GET3: variants seen among roughly 807,000 people sequenced by gnomAD.
GET3 encodes guided entry of tail-anchored proteins factor 3, ATPase, also known as ATPase GET3.
In GET3, 15 loss-of-function variants were observed where a neutral mutation model predicts 32.4. The observed-to-expected ratio is 0.46, with a 90% CI of 0.31 to 0.71. The LOEUF is 0.71. GET3 is among the 30% of genes least tolerant of loss of function. GET3 has a pLI of 0.05. For missense variants in GET3, 333 were observed against 459.0 expected (o/e 0.73, Z 2.51); for synonymous variants, 198 against 185.6 (o/e 1.07, Z -0.54).
At chr19:12,739,214 C>A (rs1404375989) in intron 2 of GET3, among the ~76,000 whole-genome samples, 1 of 151,858 alleles carries the variant, frequency 6.6e-6, no homozygotes, top group Non-Finnish European at 1.5e-5. Context: ...GTCTCCCAGG[C>A]TGGAGTGCAG....
intron 2 of GET3, among the ~76,000 whole-genome samples, chr19:12,740,629 A>G (rs1418515811): frequency 6.6e-6 from 1 of 152,212 alleles, no homozygotes; most frequent in Non-Finnish European, 1.5e-5. Context: ...GTGAGCCGAG[A>G]TCGCGCCACT....
chr19:12,742,464 G>T lies in GET3; in HGVS notation c.310-2913G>T, dbSNP rs571125590. On this transcript the variant is annotated intron_variant, in intron 2 of 6. Coordinates refer to ENST00000357332, the MANE Select transcript of GET3 (RefSeq NM_004317.4). ...GAGTCTTATTCTGTCGCCCAGGATG[G>T]AGTGCAGTGGCGCAATCTCGGTTCA... 2.3e-4 allele frequency among the ~76,000 whole-genome samples: 35 copies of T among 151,976 alleles called. No homozygotes were observed. The East Asian group carries it at 6.6e-3, about 29-fold the overall frequency.
At position 12,737,576 on chromosome 19, in the gene GET3, T is replaced by G; in HGVS notation, c.71T>G (p.Leu24Arg). The stretch of plus-strand genomic sequence containing the variant: ...GAAGATGCTCCTGATGTGGAGCCGC[T>G]GGAGCCTACACTTAGCAACATCATC... ...EFEDAPDVEPLEPTLSNIIEQ... is the reference protein window; with the variant it reads ...EFEDAPDVEPREPTLSNIIEQ... Residue 24 changes from leucine to arginine, a missense_variant, in exon 1 of 7, where the codon CTG (leucine) becomes CGG (arginine). Around this residue, in one of 3 missense-constraint regions of GET3, gnomAD observed 64 missense variants for 36.7 expected, o/e 1.74. Coordinates refer to ENST00000357332, the MANE Select transcript of GET3 (RefSeq NM_004317.4). 6.2e-7 allele frequency: 1 copy of G among 1,611,436 alleles called. No individual in the cohort carries two copies. Among genetic ancestry groups the G allele is most frequent in the Non-Finnish European group, 8.5e-7 (1 of 1,179,034 alleles).
chr19:12,741,985 A>G (rs1366324154), intron 2 of GET3, among the ~76,000 whole-genome samples: 4 of 152,164 alleles, frequency 2.6e-5, no homozygotes, highest in Non-Finnish European at 5.9e-5. Flanking sequence ...CAGTGATACT[A>G]AAGAGCTAGA....
chr19:12,746,014 C>T (rs1263543295), intron 4 of GET3, among the ~76,000 whole-genome samples: 2 of 152,200 alleles, frequency 1.3e-5, no homozygotes, highest in Non-Finnish European at 2.9e-5. Context: ...AACCTGCCTT[C>T]AAACCCTCTA....
At chr19:12,741,233 G>A (rs892288096) in intron 2 of GET3, among the ~76,000 whole-genome samples, 28 of 152,108 alleles carry the variant, frequency 1.8e-4, no homozygotes, top group Non-Finnish European at 1.5e-4. Flanking sequence ...GAGGTGGGCG[G>A]ATCACAAAGT....
chr19:12,746,783 G>T (rs947495828), intron 4 of GET3, among the ~76,000 whole-genome samples: 3 of 152,128 alleles, frequency 2.0e-5, no homozygotes, highest in Non-Finnish European at 4.4e-5. Context: ...GCCGAGGCAG[G>T]TGGATTGCCT....
rs1967804686 is a variant in GET3 at position 12,747,916 on chromosome 19, C to G, written c.916-57C>G. 6.6e-7 allele frequency: 1 copy of G among 1,510,112 alleles called. No individual in the cohort carries two copies. Among genetic ancestry groups the G allele is most frequent in the Admixed American group, 2.0e-5 (1 of 50,420 alleles). The allele number at this position is 1,510,112 out of a possible 1,614,324, so 93.5% of individuals were successfully genotyped here. ...TTTACCGCTTCTATTGATCCACACT[C>G]TGTCTCTGCCTTCCTGCCCCCTGAC... is the stretch of plus-strand genomic sequence containing the variant. On this transcript the variant is annotated intron_variant, in intron 6 of 6. Transcript: ENST00000357332. The surrounding 1 kb of genome is among the most constrained non-coding windows in gnomAD (Gnocchi z 4.0).
At chr19:12,744,769 CATG>C (rs1967738584) in intron 2 of GET3, among the ~76,000 whole-genome samples, 1 of 152,138 alleles carries the variant, frequency 6.6e-6, no homozygotes, top group Non-Finnish European at 1.5e-5. Context: ...ATAAGGGAAT[CATG>C]AGGGATGTGA....
At chr19:12,737,824 C>T (rs765633007) in intron 1 of GET3, among the ~76,000 whole-genome samples, 158 bp downstream of exon 1, 3 of 152,114 alleles carry the variant, frequency 2.0e-5, no homozygotes, top group African/African-American at 7.2e-5. Flanking sequence ...ATGAGAAAGA[C>T]CTCAATGCAG....
chr19:12,746,670 T>C (rs556512680), intron 4 of GET3, among the ~76,000 whole-genome samples: 1 of 152,274 alleles, frequency 6.6e-6, no homozygotes, highest in East Asian at 1.9e-4. Flanking sequence ...ATGGGGAAAC[T>C]GAGGCTCCAG....
upstream of GET3, chr19:12,737,484 G>C: frequency 1.7e-5 from 25 of 1,495,838 alleles, no homozygotes; most frequent in Non-Finnish European, 2.2e-5. Flanking sequence ...CGCTCCGCTG[G>C]ATCACGTGAG....
At position 12,745,727 on chromosome 19, in the gene GET3, A is replaced by T; in HGVS notation, c.577A>T (p.Ile193Phe). The T allele has an allele frequency of 6.2e-7, 1 of 1,612,004 alleles. No homozygotes were observed. The highest frequency in any genetic ancestry group is 8.5e-7 in the Non-Finnish European group (1 of 1,179,706). Residue 193 changes from isoleucine to phenylalanine, a missense_variant, in exon 4 of 7, where the codon ATC (isoleucine) becomes TTC (phenylalanine). This residue lies in a region of GET3 where 230 missense variants were observed against 389.2 expected (regional missense o/e 0.59). Transcript: ENST00000357332. The surrounding 1 kb of genome is among the most constrained non-coding windows in gnomAD (Gnocchi z 5.0). The stretch of plus-strand genomic sequence containing the variant: ...GCGGGGCCTGGGCCGGCTTATGCAG[A>T]TCAAGAACCAGATCAGCCCTTTCAT... ...VERGLGRLMQIKNQISPFISQ... is the reference protein window; with the variant it reads ...VERGLGRLMQFKNQISPFISQ...
Position 12,747,715 on chromosome 19 carries a change from A to G in GET3, c.915+123A>G. 7.7e-7 allele frequency: 1 copy of G among 1,292,080 alleles called. No individual in the cohort carries two copies. Among genetic ancestry groups the G allele is most frequent in the Non-Finnish European group, 1.1e-6 (1 of 943,348 alleles). The allele number at this position is 1,292,080 out of a possible 1,614,324, so 80.0% of individuals were successfully genotyped here. A position where few individuals can be genotyped will look rare whatever the true frequency, so the allele number is the denominator to read the frequency against. Reference sequence around the variant, plus strand: ...CCTGCCCTTTGCCCCCACATTTCAGATCCTTCACCCTTATTCCGGCCATAG... The same window carrying G: ...CCTGCCCTTTGCCCCCACATTTCAGGTCCTTCACCCTTATTCCGGCCATAG... On this transcript the variant is annotated intron_variant, in intron 6 of 6. Coordinates refer to ENST00000357332, the MANE Select transcript of GET3 (RefSeq NM_004317.4). The surrounding 1 kb of genome is among the most constrained non-coding windows in gnomAD (Gnocchi z 4.0).
At chr19:12,738,217 G>A (rs529348122) in intron 1 of GET3, among the ~76,000 whole-genome samples, 3 of 152,240 alleles carry the variant, frequency 2.0e-5, no homozygotes, top group East Asian at 1.9e-4. Flanking sequence ...AAGCTATGCT[G>A]GCTGGACCGC....
At chr19:12,740,999 A>G (rs994693129) in intron 2 of GET3, among the ~76,000 whole-genome samples, 2 of 152,244 alleles carry the variant, frequency 1.3e-5, no homozygotes, top group Non-Finnish European at 2.9e-5. Context: ...TGTCTGGATC[A>G]TCAAGTGCCC....
At chr19:12,741,632 A>G (rs1229631145) in intron 2 of GET3, among the ~76,000 whole-genome samples, 3 of 145,498 alleles carry the variant, frequency 2.1e-5, no homozygotes, top group African/African-American at 5.1e-5. Flanking sequence ...GGTGGCCGGC[A>G]CCTGTAGTCC....
In GET3 at chr19:12,745,775, C is replaced by T; in HGVS notation, c.609+16C>T. On this transcript the variant is annotated intron_variant, in intron 4 of 6. Transcript: ENST00000357332. The surrounding 1 kb of genome is among the most constrained non-coding windows in gnomAD (Gnocchi z 5.0). ...CATCTCACAGGCAGGCGGCGGGGGC[C>T]CCCACCTGCACCATCCAGGCAGCCG... 1.9e-6 allele frequency: 3 copies of T among 1,594,344 alleles called. No homozygotes were observed. Among genetic ancestry groups the T allele is most frequent in the Middle Eastern group, 1.7e-4 (1 of 5,924 alleles).
At position 12,745,301 on chromosome 19, in the gene GET3, C is replaced by T; in HGVS notation, c.310-76C>T. 6.4e-7 allele frequency: 1 copy of T among 1,552,158 alleles called. No individual in the cohort carries two copies. Among genetic ancestry groups the T allele is most frequent in the East Asian group, 2.3e-5 (1 of 44,432 alleles). ...GCCCTGTGCCCGGGTAGGAAGGCTC[C>T]CCCTGGCCCTGTGCCCAGGTGGGAA... is the stretch of plus-strand genomic sequence containing the variant. On this transcript the variant is annotated intron_variant, in intron 2 of 6. Transcript: ENST00000357332. The surrounding 1 kb of genome is among the most constrained non-coding windows in gnomAD (Gnocchi z 5.0).
Sources: allele counts gnomAD v4.1 joint callset (sites outside exome capture counted in the v4.1 genomes callset), GRCh38; gene constraint gnomAD v4.1.1; regional missense constraint gnomAD v4.1.1; non-coding constraint Gnocchi (gnomAD v3.1); transcripts MANE v1.5; gene names NCBI Gene and HGNC (gene_info 2026-07-23, HGNC 2026-07-21).